The following CACNB4 variants were observed in gnomAD, a reference collection of about 807,000 sequenced individuals.
CACNB4 encodes the protein calcium voltage-gated channel auxiliary subunit beta 4.
Under a neutral mutation model 71.2 loss-of-function variants are expected in CACNB4, and 32 were observed. The observed-to-expected ratio is 0.45, with a 90% CI of 0.34 to 0.60. The LOEUF (loss-of-function observed/expected upper bound fraction) is 0.60. Among genes scored for constraint, CACNB4 ranks in the 20% least tolerant of loss-of-function variants. CACNB4 has a pLI of 0.01. For synonymous variants in CACNB4, 231 were observed against 236.9 expected (o/e 0.97, Z 0.23); for missense variants, 464 against 647.9 (o/e 0.72, Z 3.08).
Position 151,838,723 on chromosome 2 carries a change from T to C in CACNB4, c.*396A>G, listed in dbSNP as rs2151311965. 1 of 154,698 alleles carries C rather than the reference T, an allele frequency of 6.5e-6. No homozygotes were observed. Among genetic ancestry groups the C allele is most frequent in the Admixed American group, 6.5e-5 (1 of 15,346 alleles). The allele number at this position is 154,698 out of a possible 1,614,324, so 9.6% of individuals were successfully genotyped here. A position where few individuals can be genotyped will look rare whatever the true frequency, so the allele number is the denominator to read the frequency against. On this transcript the variant is annotated 3_prime_UTR_variant, in exon 14 of 14. Coordinates refer to ENST00000539935, the MANE Select transcript of CACNB4 (RefSeq NM_000726.5). ...TTACAACATGCTCAAGTAGACTTTC[T>C]AGTCAATTCACCCAAATTCCAACAG...
intron 2 of CACNB4, among the ~76,000 whole-genome samples, chr2:152,054,891 C>G (rs1045745981): frequency 2.6e-5 from 4 of 152,046 alleles, no homozygotes; most frequent in African/African-American, 9.7e-5. Flanking sequence ...AATGTCTATT[C>G]CTATCCATTG....
chr2:152,053,857 G>A (rs909674091), intron 2 of CACNB4, among the ~76,000 whole-genome samples: 1 of 152,032 alleles, frequency 6.6e-6, no homozygotes, highest in Non-Finnish European at 1.5e-5. Context: ...CCCAAAATGA[G>A]GGTCATGGGA....
intron 12 of CACNB4, among the ~76,000 whole-genome samples, chr2:151,846,945 A>T (rs1367770857): frequency 2.0e-5 from 3 of 152,200 alleles, no homozygotes; most frequent in African/African-American, 7.2e-5. Flanking sequence ...TAATAATTAT[A>T]ATGATACGCA....
At chr2:152,022,134 C>G (rs145907870) in intron 2 of CACNB4, among the ~76,000 whole-genome samples, 27 of 152,348 alleles carry the variant, frequency 1.8e-4, no homozygotes, top group African/African-American at 6.0e-4. Context: ...TGGCAATCGG[C>G]TTATTGCCTA....
chr2:151,902,336 C>A (rs574792680), intron 2 of CACNB4, among the ~76,000 whole-genome samples: 1 of 152,076 alleles, frequency 6.6e-6, no homozygotes, highest in Non-Finnish European at 1.5e-5. Context: ...CAGACTTCAC[C>A]CATCTTTTGA....
chr2:152,087,770 T>A (rs1195491407), intron 2 of CACNB4, among the ~76,000 whole-genome samples: 1 of 151,996 alleles, frequency 6.6e-6, no homozygotes, highest in Non-Finnish European at 1.5e-5. Flanking sequence ...TCCCAGCTAC[T>A]TGGGAGACTG....
intron 2 of CACNB4, among the ~76,000 whole-genome samples, chr2:152,052,672 T>C (rs1051133878): frequency 9.9e-5 from 15 of 152,180 alleles, no homozygotes; most frequent in Admixed American, 5.2e-4. Context: ...CAAATAATAT[T>C]CTATTGTATA....
At chr2:151,972,120 G>A (rs2099872731) in intron 2 of CACNB4, 1 of 155,318 alleles carries the variant, frequency 6.4e-6, no homozygotes, top group Admixed American at 6.0e-5. Context: ...GCTCCCCTCT[G>A]AACCAGTGCA....
chr2:151,983,928 A>G (rs778159769), intron 2 of CACNB4, among the ~76,000 whole-genome samples: 1 of 152,192 alleles, frequency 6.6e-6, no homozygotes, highest in Non-Finnish European at 1.5e-5. Context: ...TGTGTACTTC[A>G]GAAATCCATT....
At chr2:152,064,185 T>C (rs879217936) in intron 2 of CACNB4, among the ~76,000 whole-genome samples, 3 of 152,172 alleles carry the variant, frequency 2.0e-5, no homozygotes, top group Admixed American at 6.5e-5. Flanking sequence ...AAATTCACAT[T>C]GTTGAAGTGC....
Position 151,921,251 on chromosome 2 carries a change from A to C in CACNB4, c.148-37881T>G, listed in dbSNP as rs182513043. 5.0e-3 allele frequency among the ~76,000 whole-genome samples: 757 copies of C among 152,266 alleles called. 4 individuals carry two copies. Among genetic ancestry groups the C allele is most frequent in the African/African-American group, 0.017 (702 of 41,568 alleles). The stretch of plus-strand genomic sequence containing the variant: ...GAGCTTCACAAACATTATCCCATGA[A>C]AACAAGGCATAGTTTCATCATCTAA... On this transcript the variant is annotated intron_variant, in intron 2 of 13. Coordinates refer to ENST00000539935, the MANE Select transcript of CACNB4 (RefSeq NM_000726.5).
chr2:151,916,628 C>T (rs1433100129), intron 2 of CACNB4, among the ~76,000 whole-genome samples: 1 of 152,218 alleles, frequency 6.6e-6, no homozygotes, highest in East Asian at 1.9e-4. Flanking sequence ...CTGTGAAGTA[C>T]TTGATCACCC....
At chr2:152,060,734 G>A (rs182363826) in intron 2 of CACNB4, among the ~76,000 whole-genome samples, 50 of 151,674 alleles carry the variant, frequency 3.3e-4, no homozygotes, top group African/African-American at 9.7e-4. Flanking sequence ...AATACATCAC[G>A]GTACATCTAC....
At chr2:152,093,366 T>C (rs1177257687) in intron 2 of CACNB4, among the ~76,000 whole-genome samples, 2 of 152,022 alleles carry the variant, frequency 1.3e-5, no homozygotes, top group African/African-American at 4.8e-5. Flanking sequence ...TTCCTGTTTA[T>C]ACTATTGGCA....
intron 5 of CACNB4, among the ~76,000 whole-genome samples, chr2:151,875,631 TC>T (rs2099845865): frequency 9.0e-6 from 1 of 111,186 alleles, no homozygotes. Flanking sequence ...GGCTGACCCC[TC>T]CACCTCCCTC....
Position 151,837,194 on chromosome 2 carries a change from C to G in CACNB4, c.*1925G>C, listed in dbSNP as rs1048816616. 16 of 152,070 alleles carry G rather than the reference C, an allele frequency of 1.1e-4. No individual in the cohort carries two copies. In the South Asian group the frequency reaches 1.4e-3, roughly 14 times the overall value. 9.4% of individuals were successfully genotyped at this position (152,070 alleles called of 1,614,324 possible). ...TTCACTAGATGACAGAAGAATCTCA[C>G]AAGCCAGTATCACATGTTAACTTTT... On this transcript the variant is annotated 3_prime_UTR_variant, in exon 14 of 14. Coordinates refer to ENST00000539935, the MANE Select transcript of CACNB4 (RefSeq NM_000726.5).
chr2:152,086,929 G>A (rs922100633), intron 2 of CACNB4, among the ~76,000 whole-genome samples: 1 of 151,918 alleles, frequency 6.6e-6, no homozygotes, highest in Non-Finnish European at 1.5e-5. Context: ...TTGGGAGTTC[G>A]AGACCAGCCT....
intron 2 of CACNB4, among the ~76,000 whole-genome samples, chr2:152,027,787 G>A (rs1684055369): frequency 6.7e-6 from 1 of 149,992 alleles, no homozygotes; most frequent in Admixed American, 6.7e-5. Flanking sequence ...GGGAGGCGGA[G>A]GTTGCAGTGA....
intron 2 of CACNB4, among the ~76,000 whole-genome samples, chr2:151,939,849 C>T (rs181180422): frequency 6.6e-6 from 1 of 151,832 alleles, no homozygotes; most frequent in Non-Finnish European, 1.5e-5. Flanking sequence ...AAAAGCTATA[C>T]AAATGGAAGG....
Sources: allele counts gnomAD v4.1 joint callset (sites outside exome capture counted in the v4.1 genomes callset), GRCh38; gene constraint gnomAD v4.1.1; transcripts MANE v1.5; gene names NCBI Gene and HGNC (gene_info 2026-07-23, HGNC 2026-07-21).